The following VPS13A variants were observed in gnomAD, a reference collection of about 807,000 sequenced individuals.
The protein encoded by VPS13A is intermembrane lipid transfer protein VPS13A.
Under a neutral mutation model 390.9 loss-of-function variants are expected in VPS13A, and 264 were observed. The ratio of observed to expected loss-of-function variants is 0.68; its 90% CI spans 0.61 to 0.75. VPS13A has a LOEUF of 0.75. Among genes scored for constraint, VPS13A ranks in the 30% least tolerant of loss-of-function variants. The pLI is 0.00. For synonymous variants in VPS13A, 1,231 were observed against 1,227.1 expected, an observed-to-expected ratio of 1.00 and a Z score of -0.07; for missense variants, 3,409 against 3,733.9, an observed-to-expected ratio of 0.91 and a Z score of 2.27.
rs553918699 is a variant in VPS13A, at chr9:77,315,337, T to C, written c.4497T>C (p.Asp1499=). The change falls in exon 38 of 72, where the codon GAT becomes GAC. Residue 1499 remains aspartate (D), a synonymous_variant. Transcript: ENST00000360280. ...YRKVRDGCVT[D]AVFQEMYICA... is the part of the protein sequence containing the mutation. ...AAGTCAGAGATGGTTGTGTGACTGA[T>C]GCGGTCTTTCAAGAAATGTATATTT... 6.2e-7 allele frequency: 1 copy of C among 1,613,904 alleles called. No homozygotes were observed. The highest frequency in any genetic ancestry group is 2.2e-5 in the East Asian group (1 of 44,878).
chr9:77,375,407 A>C (rs1833010464), intron 67 of VPS13A, among the ~76,000 whole-genome samples: 1 of 152,202 alleles, frequency 6.6e-6, no homozygotes, highest in African/African-American at 2.4e-5. Flanking sequence ...AAACATAATA[A>C]AATGCAATTT....
intron 34 of VPS13A, among the ~76,000 whole-genome samples, chr9:77,307,057 C>T (rs936061450): frequency 6.6e-5 from 10 of 152,114 alleles, no homozygotes; most frequent in African/African-American, 1.9e-4. Context: ...CAGGTGTGCA[C>T]TATGCCTGGC....
intron 68 of VPS13A, among the ~76,000 whole-genome samples, chr9:77,383,969 T>G (rs541398528): frequency 1.9e-3 from 268 of 139,076 alleles, no homozygotes; most frequent in Non-Finnish European, 3.6e-3. Context: ...GGTTTTGTTT[T>G]TTTTTTTTTA....
chr9:77,383,543 G>C (rs1446813399), intron 68 of VPS13A, among the ~76,000 whole-genome samples: 1 of 152,000 alleles, frequency 6.6e-6, no homozygotes, highest in South Asian at 2.1e-4. Context: ...TACGAAGTAA[G>C]GATGAGTGTT....
At chr9:77,218,069 A>G (rs1279807402) in intron 10 of VPS13A, among the ~76,000 whole-genome samples, 1 of 146,406 alleles carries the variant, frequency 6.8e-6, no homozygotes. Context: ...CATGTTGGCC[A>G]TTTGCATATC....
At chr9:77,252,809 A>T (rs1203089345) in intron 22 of VPS13A, among the ~76,000 whole-genome samples, 1 of 152,232 alleles carries the variant, frequency 6.6e-6, no homozygotes, top group Non-Finnish European at 1.5e-5. Context: ...ATGTTGGAGC[A>T]TATGTCAGAA....
At chr9:77,410,803 A>AG (rs1834883145) in intron 71 of VPS13A, among the ~76,000 whole-genome samples, 1 of 152,200 alleles carries the variant, frequency 6.6e-6, no homozygotes, top group African/African-American at 2.4e-5. Context: ...GCAAGTCCTT[A>AG]GAGACCTACA....
chr9:77,256,730 A>G (rs948955787), intron 22 of VPS13A, among the ~76,000 whole-genome samples: 1 of 152,168 alleles, frequency 6.6e-6, no homozygotes, highest in Non-Finnish European at 1.5e-5. Flanking sequence ...TACTTTCATT[A>G]TCATTATGTA....
intron 17 of VPS13A, among the ~76,000 whole-genome samples, chr9:77,236,737 A>G (rs1824168310): frequency 6.6e-6 from 1 of 152,234 alleles, no homozygotes; most frequent in East Asian, 1.9e-4. Context: ...AGAGAAGACA[A>G]TTTGCAGACA....
chr9:77,323,091 A>C lies in VPS13A; in HGVS notation c.5855A>C (p.Asp1952Ala), dbSNP rs1336467149. 1.9e-6 allele frequency: 3 copies of C among 1,612,778 alleles called. No homozygotes were observed. Among genetic ancestry groups the C allele is most frequent in the Non-Finnish European group, 2.5e-6 (3 of 1,179,170 alleles). ...LLTPVNHSTA[D>A]KIPLTKVGRR... ...GCACCTGTTAACCATTCTACTGCTG[A>C]TAAGATTCCTTTAACAAAAGTGGGA... Residue 1952 changes from aspartate (D) to alanine (A), a missense_variant, in exon 45 of 72, where the codon GAT (aspartate) becomes GCT (alanine). By Grantham distance (126) the Asp-to-Ala change is moderately radical (BLOSUM62 -2). Transcript: ENST00000360280.
intron 1 of VPS13A, among the ~76,000 whole-genome samples, chr9:77,189,010 T>G (rs1824512077): frequency 6.6e-6 from 1 of 152,118 alleles, no homozygotes; most frequent in Non-Finnish European, 1.5e-5. Flanking sequence ...TCTGGATAAT[T>G]AGATCTTTGT....
At chr9:77,207,213 T>TTA (rs61703004) in intron 5 of VPS13A, among the ~76,000 whole-genome samples, 1,508 of 42,994 alleles carry the variant, frequency 0.035, 39 homozygotes, top group African/African-American at 0.046. Context: ...TATTTAGATA[T>TTA]TATATATATA....
intron 58 of VPS13A, 99 bp downstream of exon 58, chr9:77,359,501 AGC>A: frequency 5.6e-6 from 6 of 1,080,144 alleles, no homozygotes; most frequent in Non-Finnish European, 8.2e-6. Flanking sequence ...CAAAGATTTA[AGC>A]ATAAAATATT....
chr9:77,221,484 T>C (rs2131180593), intron 13 of VPS13A, 128 bp downstream of exon 13: 1 of 1,027,304 alleles, frequency 9.7e-7, no homozygotes, highest in East Asian at 2.6e-5. Flanking sequence ...ACTTAGACTT[T>C]TTTGTGCTTC....
chr9:77,352,837 A>G lies in VPS13A; in HGVS notation c.7420-572A>G, dbSNP rs539394355. Among the ~76,000 whole-genome samples, 49 of 152,278 alleles carry G rather than the reference A, an allele frequency of 3.2e-4. No homozygotes were observed. The South Asian group carries it at 3.9e-3, about 12-fold the overall frequency. ...AAATTTTCTGAAAATCAGAATATTA[A>G]CTAGAAATTAATGGCTGAATATTAA... On this transcript the variant is annotated intron_variant, in intron 53 of 71. Transcript: ENST00000360280.
rs767568057 is a variant in VPS13A, at chr9:77,321,512, G to A, written c.5596G>A (p.Gly1866Arg). 6.2e-7 allele frequency: 1 copy of A among 1,613,386 alleles called. No individual in the cohort carries two copies. Among genetic ancestry groups the A allele is most frequent in the Admixed American group, 1.7e-5 (1 of 59,930 alleles). ...LVKAFTEAAT[G>R]SSADFVKDLA... ...TTAGGCATTTACAGAAGCTGCCACTGGATCTTCAGCTGACTTCGTAAAGGA... is the reference window on the plus strand; with the variant it reads ...TTAGGCATTTACAGAAGCTGCCACTAGATCTTCAGCTGACTTCGTAAAGGA... The change falls in exon 44 of 72, where the codon GGA (glycine) becomes AGA (arginine). Residue 1866 changes from glycine to arginine, a missense_variant. By Grantham distance (125) the Gly-to-Arg change is moderately radical. This residue lies in a region of VPS13A where 2,717 missense variants were observed against 2,917.4 expected (regional missense o/e 0.93). Coordinates refer to ENST00000360280, the MANE Select transcript of VPS13A (RefSeq NM_033305.3).
At chr9:77,394,033 G>A (rs1834015679) in intron 68 of VPS13A, among the ~76,000 whole-genome samples, 1 of 151,980 alleles carries the variant, frequency 6.6e-6, no homozygotes, top group South Asian at 2.1e-4. Flanking sequence ...GTCCCAAAGT[G>A]CTAGGATTAC....
At chr9:77,332,223 A>G in intron 46 of VPS13A, 110 bp downstream of exon 46, 2 of 845,382 alleles carry the variant, frequency 2.4e-6, no homozygotes, top group East Asian at 2.5e-5. Flanking sequence ...AGCTTATCTA[A>G]CGTATTTAGG....
At chr9:77,330,832 G>A (rs932968214) in intron 45 of VPS13A, among the ~76,000 whole-genome samples, 2 of 151,046 alleles carry the variant, frequency 1.3e-5, no homozygotes, top group Middle Eastern at 6.8e-3. Context: ...TTCCCTCTTA[G>A]TCCACATTCC....
Sources: allele counts gnomAD v4.1 joint callset (sites outside exome capture counted in the v4.1 genomes callset), GRCh38; gene constraint gnomAD v4.1.1; regional missense constraint gnomAD v4.1.1; transcripts MANE v1.5; gene names NCBI Gene and HGNC (gene_info 2026-07-23, HGNC 2026-07-21).